Variants in GRM5 observed in about 807,000 individuals in gnomAD.
GRM5 encodes metabotropic glutamate receptor 5.
A neutral mutation model predicts 83.1 loss-of-function variants in GRM5; 19 were observed. The ratio of observed to expected loss-of-function variants is 0.23; its 90% CI spans 0.16 to 0.34. The LOEUF is 0.34. Ranked by LOEUF, GRM5 falls within the 10% of genes least tolerant of loss-of-function variation. The probability of loss-of-function intolerance (pLI) is 1.00; values close to 1 mark genes in which losing one functional copy is unlikely to be tolerated. For missense variants in GRM5, 1,160 were observed against 1,588.3 expected (o/e 0.73, Z 4.58); for synonymous variants, 675 against 633.6 (o/e 1.07, Z -0.98).
At chr11:88,862,956 TG>T (rs1944591909) in intron 2 of GRM5, among the ~76,000 whole-genome samples, 1 of 152,164 alleles carries the variant, frequency 6.6e-6, no homozygotes, top group Admixed American at 6.6e-5. Context: ...GCAAAGGCCA[TG>T]AACAAACACT....
chr11:88,929,325 C>G (rs1488367812), intron 2 of GRM5, among the ~76,000 whole-genome samples: 1 of 151,996 alleles, frequency 6.6e-6, no homozygotes, highest in African/African-American at 2.4e-5. Context: ...CTTTGTAAAG[C>G]AAGATTTAAA....
At chr11:88,712,017 T>C (rs183607535) in intron 3 of GRM5, among the ~76,000 whole-genome samples, 5 of 152,228 alleles carry the variant, frequency 3.3e-5, no homozygotes, top group African/African-American at 7.2e-5. Flanking sequence ...AAGAGTTTTT[T>C]CTCAGACAGT....
chr11:89,060,649 A>G (rs1221399225), intron 1 of GRM5, among the ~76,000 whole-genome samples: 1 of 152,140 alleles, frequency 6.6e-6, no homozygotes, highest in African/African-American at 2.4e-5. Flanking sequence ...CCTTCTGACA[A>G]AAGTTATATA....
intron 4 of GRM5, among the ~76,000 whole-genome samples, chr11:88,642,075 T>C (rs1380802799): frequency 1.3e-5 from 2 of 152,120 alleles, no homozygotes; most frequent in African/African-American, 4.8e-5. Flanking sequence ...GCACCCAGTT[T>C]GTCTCATATA....
chr11:88,535,878 T>C (rs1193782385), intron 8 of GRM5, among the ~76,000 whole-genome samples: 3 of 152,234 alleles, frequency 2.0e-5, no homozygotes, highest in African/African-American at 7.2e-5. Context: ...CTCCTTTCTG[T>C]ATGTACCATT....
intron 2 of GRM5, among the ~76,000 whole-genome samples, chr11:88,955,387 G>A (rs1287822443): frequency 2.0e-5 from 3 of 152,106 alleles, no homozygotes; most frequent in Non-Finnish European, 4.4e-5. Flanking sequence ...TGATGATTAC[G>A]TATGCCTTAC....
At chr11:88,702,894 A>C (rs756990833) in intron 3 of GRM5, among the ~76,000 whole-genome samples, 37 of 152,094 alleles carry the variant, frequency 2.4e-4, no homozygotes, top group Non-Finnish European at 4.0e-4. Context: ...AGAGGAAACT[A>C]ACCCTGCTAA....
intron 2 of GRM5, among the ~76,000 whole-genome samples, chr11:88,874,330 A>AT (rs1488694380): frequency 1.3e-5 from 2 of 151,902 alleles, no homozygotes; most frequent in African/African-American, 4.8e-5. Flanking sequence ...CAGAACACAC[A>AT]TTAGGGAAGG....
intron 2 of GRM5, among the ~76,000 whole-genome samples, chr11:88,991,168 C>G (rs1939953299): frequency 6.6e-6 from 1 of 152,090 alleles, no homozygotes; most frequent in South Asian, 2.1e-4. Flanking sequence ...AGCAAAGTCT[C>G]AGGATACAAA....
chr11:88,964,549 A>G (rs1399062232), intron 2 of GRM5, among the ~76,000 whole-genome samples: 1 of 152,200 alleles, frequency 6.6e-6, no homozygotes, highest in Non-Finnish European at 1.5e-5. Flanking sequence ...CTGTCCACCA[A>G]TAAACAAATA....
intron 2 of GRM5, among the ~76,000 whole-genome samples, chr11:88,928,444 A>G (rs1565296207): frequency 2.3e-5 from 1 of 43,016 alleles, no homozygotes; most frequent in African/African-American, 8.1e-5. Flanking sequence ...ACAATCTATC[A>G]TATGTGTGTG....
intron 2 of GRM5, among the ~76,000 whole-genome samples, chr11:89,027,041 T>A (rs1441589274): frequency 2.0e-5 from 3 of 152,094 alleles, no homozygotes; most frequent in Non-Finnish European, 4.4e-5. Context: ...TCTTTTATAT[T>A]GGATGCTTGC....
intron 3 of GRM5, among the ~76,000 whole-genome samples, chr11:88,768,651 A>T (rs1942669466): frequency 6.6e-6 from 1 of 151,954 alleles, no homozygotes; most frequent in Non-Finnish European, 1.5e-5. Context: ...GATAATTTAA[A>T]AATAGCCACA....
At chr11:88,628,482 C>A (rs1472192835) in intron 4 of GRM5, among the ~76,000 whole-genome samples, 1 of 152,188 alleles carries the variant, frequency 6.6e-6, no homozygotes, top group Non-Finnish European at 1.5e-5. Flanking sequence ...AATATCTGCT[C>A]TGATAGTCAT....
At chr11:88,551,312 G>A (rs981672000) in intron 8 of GRM5, among the ~76,000 whole-genome samples, 4 of 152,110 alleles carry the variant, frequency 2.6e-5, no homozygotes, top group African/African-American at 9.7e-5. Flanking sequence ...CAGCTGGAGT[G>A]TCCAAGAACT....
chr11:88,526,516 T>C lies in GRM5; in HGVS notation c.2631-1112A>G, dbSNP rs569032462. On this transcript the variant is annotated intron_variant, in intron 8 of 9. Coordinates refer to ENST00000305447, the MANE Select transcript of GRM5 (RefSeq NM_001143831.3). ...AAGGTTTTATTACCTTTTCCCTAATTAAACTGGAGCCTGGTATAACACCAC... is the reference window on the plus strand; with the variant it reads ...AAGGTTTTATTACCTTTTCCCTAATCAAACTGGAGCCTGGTATAACACCAC... Among the ~76,000 whole-genome samples the C allele has an allele frequency of 2.0e-5, 3 of 152,090 alleles. No individual in the cohort carries two copies. The South Asian group carries it at 6.2e-4, about 32-fold the overall frequency.
intron 2 of GRM5, among the ~76,000 whole-genome samples, chr11:88,986,063 G>A (rs1184935818): frequency 1.3e-5 from 2 of 152,110 alleles, no homozygotes; most frequent in African/African-American, 4.8e-5. Context: ...ACATATAAAT[G>A]TGTACACAAA....
At chr11:88,675,436 G>A (rs944424927) in intron 3 of GRM5, among the ~76,000 whole-genome samples, 3 of 151,898 alleles carry the variant, frequency 2.0e-5, no homozygotes, top group African/African-American at 7.2e-5. Context: ...GATCTTTGGA[G>A]GTTATGCTGA....
At chr11:88,529,688 A>G (rs1175700092) in intron 8 of GRM5, among the ~76,000 whole-genome samples, 3 of 151,974 alleles carry the variant, frequency 2.0e-5, no homozygotes, top group Admixed American at 6.6e-5. Context: ...ATAGAGAAAT[A>G]CTACTACAGT....
Sources: gnomAD v4.1 joint callset for allele counts (sites outside exome capture counted in the v4.1 genomes callset) on GRCh38, gnomAD v4.1.1 for gene constraint, MANE v1.5 for transcripts, NCBI Gene and HGNC (gene_info 2026-07-23, HGNC 2026-07-21) for gene names.